Variants in SUPT3H observed in about 807,000 individuals in gnomAD.
The protein encoded by SUPT3H is transcription initiation protein SPT3 homolog.
A neutral mutation model predicts 44.3 loss-of-function variants in SUPT3H; 44 were observed. That is an observed-to-expected ratio of 0.99 (90% CI 0.78 to 1.28). SUPT3H has a LOEUF of 1.28. Among genes scored for constraint, SUPT3H ranks in the 50% most tolerant of loss-of-function variants. SUPT3H has a pLI of 0.00. For synonymous variants in SUPT3H, 124 were observed against 125.6 expected (o/e 0.99, Z 0.09); for missense variants, 380 against 387.1 (o/e 0.98, Z 0.15).
At chr6:44,964,712 G>T (rs1457586466) in intron 6 of SUPT3H, among the ~76,000 whole-genome samples, 1 of 152,048 alleles carries the variant, frequency 6.6e-6, no homozygotes, top group African/African-American at 2.4e-5. Flanking sequence ...GATCTGAGGA[G>T]CCCCACAAAT....
chr6:45,068,644 A>G (rs1299928738), intron 3 of SUPT3H, among the ~76,000 whole-genome samples: 1 of 152,136 alleles, frequency 6.6e-6, no homozygotes, highest in East Asian at 1.9e-4. Flanking sequence ...ATCAATGTAT[A>G]TATTTTTTCC....
At chr6:45,212,095 G>A (rs1764190536) in intron 2 of SUPT3H, among the ~76,000 whole-genome samples, 2 of 151,970 alleles carry the variant, frequency 1.3e-5, no homozygotes, top group Non-Finnish European at 2.9e-5. Context: ...GAACCCGGGA[G>A]GCAGAGGCTG....
At chr6:45,100,972 A>C (rs1798491336) in intron 3 of SUPT3H, among the ~76,000 whole-genome samples, 1 of 152,236 alleles carries the variant, frequency 6.6e-6, no homozygotes, top group African/African-American at 2.4e-5. Flanking sequence ...ATGGATATCA[A>C]GAATGTGGTA....
intron 11 of SUPT3H, among the ~76,000 whole-genome samples, chr6:44,820,793 G>A (rs1201681751): frequency 6.6e-6 from 1 of 152,190 alleles, no homozygotes; most frequent in Admixed American, 6.5e-5. Context: ...TGATGTGCTA[G>A]AGCAGGGGTT....
intron 2 of SUPT3H, among the ~76,000 whole-genome samples, chr6:45,166,045 C>A (rs563904012): frequency 6.6e-6 from 1 of 152,176 alleles, no homozygotes; most frequent in Non-Finnish European, 1.5e-5. Flanking sequence ...GCAATCCTAG[C>A]ACTTTGGGAA....
chr6:45,212,047 T>A (rs1764178217), intron 2 of SUPT3H, among the ~76,000 whole-genome samples: 1 of 151,796 alleles, frequency 6.6e-6, no homozygotes, highest in African/African-American at 2.4e-5. Context: ...ATGCCTGTAT[T>A]ACCAGCTACT....
intron 2 of SUPT3H, among the ~76,000 whole-genome samples, chr6:45,329,617 A>G (rs970628978): frequency 2.0e-5 from 3 of 151,966 alleles, no homozygotes; most frequent in African/African-American, 7.2e-5. Context: ...CAAAATGAAT[A>G]ACTGCTGTTT....
chr6:45,340,365 C>T (rs1789506840), intron 2 of SUPT3H, among the ~76,000 whole-genome samples: 1 of 152,098 alleles, frequency 6.6e-6, no homozygotes, highest in Admixed American at 6.6e-5. Context: ...ACTCTGTCAC[C>T]CAGGCTAGAG....
intron 3 of SUPT3H, among the ~76,000 whole-genome samples, chr6:45,036,563 A>G (rs1562311877): frequency 6.6e-6 from 1 of 152,182 alleles, no homozygotes; most frequent in East Asian, 1.9e-4. Context: ...TTACATTGCC[A>G]TTTCATTCTA....
intron 2 of SUPT3H, among the ~76,000 whole-genome samples, chr6:45,129,373 AG>A (rs1395764262): frequency 6.6e-6 from 1 of 152,250 alleles, no homozygotes; most frequent in Non-Finnish European, 1.5e-5. Flanking sequence ...TTAATGAAAA[AG>A]GCTTAGTATA....
At chr6:44,983,516 C>T (rs185718121) in intron 6 of SUPT3H, among the ~76,000 whole-genome samples, 77 of 152,056 alleles carry the variant, frequency 5.1e-4, no homozygotes, top group Admixed American at 4.9e-3. Flanking sequence ...AAAAAAAATC[C>T]CCTACCATGT....
rs1768285251 is a variant in SUPT3H, at chr6:44,829,823, G to A, written c.947C>T (p.Ala316Val). 6.2e-7 allele frequency: 1 copy of A among 1,613,016 alleles called. No individual in the cohort carries two copies. The highest frequency in any genetic ancestry group is 1.3e-5 in the African/African-American group (1 of 74,860). Residue 316 changes from alanine (A) to valine (V), a missense_variant, in exon 11 of 11, where the codon GCC (alanine) becomes GTC (valine). Coordinates refer to ENST00000371459, the MANE Select transcript of SUPT3H (RefSeq NM_003599.4). Reference protein sequence around the residue: ...AYRRNGMAFLAC With the variant: ...AYRRNGMAFLVC ...CACATCACAGTTGTCACATCAGCAG[G>A]CTAGAAAAGCCATCCCATTCCTGCG...
chr6:45,266,769 T>G (rs1258087158), intron 2 of SUPT3H, among the ~76,000 whole-genome samples: 6 of 152,092 alleles, frequency 3.9e-5, no homozygotes, highest in Non-Finnish European at 7.4e-5. Flanking sequence ...TTCACATATT[T>G]ACAGAGGTAG....
intron 2 of SUPT3H, among the ~76,000 whole-genome samples, chr6:45,126,684 A>G (rs548648614): frequency 2.0e-5 from 3 of 152,320 alleles, no homozygotes; most frequent in East Asian, 1.9e-4. Context: ...GACTATGCCT[A>G]TCCTCTAAGG....
intron 2 of SUPT3H, among the ~76,000 whole-genome samples, chr6:45,321,570 G>A (rs1399530149): frequency 2.0e-5 from 3 of 151,906 alleles, no homozygotes; most frequent in Non-Finnish European, 1.5e-5. Context: ...CCATAGTATC[G>A]TCGCAATCCA....
chr6:45,108,395 T>C (rs1384816727), intron 2 of SUPT3H, among the ~76,000 whole-genome samples: 2 of 152,224 alleles, frequency 1.3e-5, no homozygotes, highest in East Asian at 3.8e-4. Flanking sequence ...TTCCTCCTTG[T>C]TTTGATATGT....
intron 5 of SUPT3H, among the ~76,000 whole-genome samples, chr6:45,005,149 G>A (rs1782529011): frequency 6.6e-6 from 1 of 152,100 alleles, no homozygotes; most frequent in Non-Finnish European, 1.5e-5. Flanking sequence ...AGACTAATGA[G>A]GAATGCCTTG....
intron 10 of SUPT3H, among the ~76,000 whole-genome samples, chr6:44,870,023 A>T (rs1485594454): frequency 6.6e-6 from 1 of 152,220 alleles, no homozygotes; most frequent in African/African-American, 2.4e-5. Context: ...ACCTATAACC[A>T]GTCTTTTGCC....
intron 2 of SUPT3H, among the ~76,000 whole-genome samples, chr6:45,226,013 C>A (rs956936172): frequency 9.2e-5 from 14 of 152,128 alleles, no homozygotes; most frequent in South Asian, 2.1e-4. Flanking sequence ...GTCATCTTCA[C>A]AAGACATATA....
Sources: allele counts gnomAD v4.1 joint callset (sites outside exome capture counted in the v4.1 genomes callset), GRCh38; gene constraint gnomAD v4.1.1; transcripts MANE v1.5; gene names NCBI Gene and HGNC (gene_info 2026-07-23, HGNC 2026-07-21).